Variants in TMEM259 observed in about 807,000 individuals in gnomAD.
TMEM259 encodes transmembrane protein 259.
A neutral mutation model predicts 46.7 loss-of-function variants in TMEM259; 26 were observed. The observed-to-expected ratio is 0.56, with a 90% CI of 0.41 to 0.77. The LOEUF (loss-of-function observed/expected upper bound fraction) is 0.77. Among genes scored for constraint, TMEM259 ranks in the 30% least tolerant of loss-of-function variants. TMEM259 has a pLI of 0.00. For missense variants in TMEM259, 930 were observed against 900.5 expected (o/e 1.03, Z -0.42); for synonymous variants, 494 against 395.1 (o/e 1.25, Z -2.97).
chr19:1,020,928 G>A lies in TMEM259; in HGVS notation c.69C>T (p.Pro23=), dbSNP rs2039274924. 3 of 1,266,590 alleles carry A rather than the reference G, an allele frequency of 2.4e-6. No individual in the cohort carries two copies. The highest frequency in any genetic ancestry group is 3.6e-5 in the South Asian group (1 of 27,704). The allele number at this position is 1,266,590 out of a possible 1,614,324, so 78.5% of individuals were successfully genotyped here. A position where few individuals can be genotyped will look rare whatever the true frequency, so the allele number is the denominator to read the frequency against. Residue 23 remains proline, a synonymous_variant, in exon 1 of 11, where the codon CCC becomes CCT. Coordinates refer to ENST00000356663, the MANE Select transcript of TMEM259 (RefSeq NM_001033026.2). The surrounding 1 kb of genome is among the most constrained non-coding windows in gnomAD (Gnocchi z 4.0). ...GATTGGGGGTGCGAGGCCCGCGCGC[G>A]GGGGCCGGGCCGCCGCCGCCGCCGT... ...GPNGGGGGPA[P]ARGPRTPNLN... is the part of the protein sequence containing the mutation.
intron 3 of TMEM259, 128 bp downstream of exon 3, chr19:1,013,113 G>C: frequency 1.3e-6 from 1 of 795,690 alleles, no homozygotes; most frequent in Admixed American, 2.3e-5. Context: ...CGAGGCACGG[G>C]GGTGCCCTCA....
intron 1 of TMEM259, among the ~76,000 whole-genome samples, chr19:1,014,712 C>T (rs553494255): frequency 2.4e-4 from 36 of 152,308 alleles, no homozygotes; most frequent in African/African-American, 5.3e-4. Context: ...ACTCCAACCC[C>T]GGAGGGGCTC....
At position 1,009,871 on chromosome 19, in the gene TMEM259, C is replaced by G; in HGVS notation, c.*479G>C. 1 of 397,330 alleles carries G rather than the reference C, an allele frequency of 2.5e-6. No homozygotes were observed. The highest frequency in any genetic ancestry group is 4.5e-6 in the Non-Finnish European group (1 of 223,982). 24.6% of individuals were successfully genotyped at this position (397,330 alleles called of 1,614,324 possible). A position where few individuals can be genotyped will look rare whatever the true frequency, so the allele number is the denominator to read the frequency against. The stretch of plus-strand genomic sequence containing the variant: ...ATGCCCGAGGCGCAAGCTCTGCTCT[C>G]CCGGGGACCCCAAGCCTGGCGCACA... On this transcript the variant is annotated 3_prime_UTR_variant, in exon 11 of 11. Coordinates refer to ENST00000356663, the MANE Select transcript of TMEM259 (RefSeq NM_001033026.2).
chr19:1,020,342 G>A lies in TMEM259; in HGVS notation c.225+430C>T, dbSNP rs2039249048. Among the ~76,000 whole-genome samples, 1 of 152,014 alleles carries A rather than the reference G, an allele frequency of 6.6e-6. No individual in the cohort carries two copies. The highest frequency in any genetic ancestry group is 6.6e-5 in the Admixed American group (1 of 15,262). On this transcript the variant is annotated intron_variant, in intron 1 of 10. Transcript: ENST00000356663. This position sits in a 1 kb window ranked among gnomAD's most constrained non-coding sequence, Gnocchi z 4.0. ...ACATTGGGAGGGGAGAGAGGCCTCG[G>A]AACTGAGGGTCTCAGGCGGCACAGT...
In TMEM259 at chr19:1,011,951, C is replaced by G; in HGVS notation, c.883G>C (p.Val295Leu). 1 of 1,612,380 alleles carries G rather than the reference C, an allele frequency of 6.2e-7. No homozygotes were observed. The change falls in exon 6 of 11, where the codon GTG (valine) becomes CTG (leucine). Residue 295 changes from valine (V) to leucine (L), a missense_variant. Physicochemically the swap from Val to Leu is conservative, Grantham distance 32 (BLOSUM62 1). Coordinates refer to ENST00000356663, the MANE Select transcript of TMEM259 (RefSeq NM_001033026.2). The part of the protein sequence containing the change: ...NVVSGEHYRF[V>L]SMWMARTSYL... Reference sequence around the variant, plus strand: ...GACGTCCGCGCCATCCACATGCTCACAAAGCGGTAGTGCTCGCCCGACACC... The same window carrying G: ...GACGTCCGCGCCATCCACATGCTCAGAAAGCGGTAGTGCTCGCCCGACACC...
Position 1,020,772 on chromosome 19 carries a change from C to T in TMEM259, c.225G>A (p.Lys75=). The T allele has an allele frequency of 7.5e-7, 1 of 1,335,380 alleles. No homozygotes were observed. Among genetic ancestry groups the T allele is most frequent in the Non-Finnish European group, 9.6e-7 (1 of 1,037,954 alleles). The allele number at this position is 1,335,380 out of a possible 1,614,324, so 82.7% of individuals were successfully genotyped here. A position where few individuals can be genotyped will look rare whatever the true frequency, so the allele number is the denominator to read the frequency against. Residue 75 remains lysine, a splice_region_variant and synonymous_variant, in exon 1 of 11, where the codon AAG becomes AAA. Coordinates refer to ENST00000356663, the MANE Select transcript of TMEM259 (RefSeq NM_001033026.2). This position sits in a 1 kb window ranked among gnomAD's most constrained non-coding sequence, Gnocchi z 4.0. ...GGTCGGGGGTCGGGGCCGCGGTCACCTTGAGCAGCACGAAGAACTCGAAGA... is the reference window on the plus strand; with the variant it reads ...GGTCGGGGGTCGGGGCCGCGGTCACTTTGAGCAGCACGAAGAACTCGAAGA... The part of the protein sequence containing the change: ...RRLFEFFVLL[K]ALFVLFVLAY...
chr19:1,020,596 T>C lies in TMEM259; in HGVS notation c.225+176A>G, dbSNP rs1021142776. 6.6e-6 allele frequency among the ~76,000 whole-genome samples: 1 copy of C among 151,898 alleles called. No individual in the cohort carries two copies. The highest frequency in any genetic ancestry group is 1.5e-5 in the Non-Finnish European group (1 of 67,982). ...GTCACGAGACGGTGTCCCTGGCCAA[T>C]CCCAGGGTCAGAGGTCGCGAGGGAG... On this transcript the variant is annotated intron_variant, in intron 1 of 10. Coordinates refer to ENST00000356663, the MANE Select transcript of TMEM259 (RefSeq NM_001033026.2). The surrounding 1 kb of genome is among the most constrained non-coding windows in gnomAD (Gnocchi z 4.0).
rs142807852 is a variant in TMEM259 at position 1,020,466 on chromosome 19, TGGGCCCTGGA to T, written c.225+296_225+305del. Among the ~76,000 whole-genome samples, 28,089 of 151,864 alleles carry T rather than the reference TGGGCCCTGGA, an allele frequency of 0.18. 2,727 individuals are homozygous for T. The highest frequency in any genetic ancestry group is 0.27 in the Middle Eastern group (79 of 294). On this transcript the variant is annotated intron_variant, in intron 1 of 10. Transcript: ENST00000356663. The surrounding 1 kb of genome is among the most constrained non-coding windows in gnomAD (Gnocchi z 4.0). ...GGAAAGGCGGTCGCCGGGGACAGGA[TGGGCCCTGGA>T]GGGAGCTGACAGTGAGGTTTCCAGA... is the stretch of plus-strand genomic sequence containing the variant.
At position 1,012,405 on chromosome 19, in the gene TMEM259, C is replaced by T. The variant is rs532250254; in HGVS notation, c.718+58G>A. The T allele has an allele frequency of 4.0e-5, 61 of 1,532,910 alleles. No individual in the cohort carries two copies. The South Asian group carries it at 5.1e-4, about 13-fold the overall frequency. The allele number at this position is 1,532,910 out of a possible 1,614,324, so 95.0% of individuals were successfully genotyped here. On this transcript the variant is annotated intron_variant, in intron 4 of 10. Coordinates refer to ENST00000356663, the MANE Select transcript of TMEM259 (RefSeq NM_001033026.2). ...CGTCCCGCACCAGCAGGAGGAGACC[C>T]GAGGGAGGAGGGGAGGCCCCGCCAT...
At position 1,010,551 on chromosome 19, in the gene TMEM259, C is replaced by T. The variant is rs1236196782; in HGVS notation, c.1662G>A (p.Leu554=). 1.9e-6 allele frequency: 3 copies of T among 1,548,714 alleles called. No individual in the cohort carries two copies. Among genetic ancestry groups the T allele is most frequent in the African/African-American group, 2.7e-5 (2 of 73,048 alleles). ...TAAIITDASF[L]SGLSASLLER... is the part of the protein sequence containing the mutation. ...CCAGGAGGGAGGCGCTCAGGCCGGA[C>T]AGGAAGGAGGCGTCTGTGATGATGG... The change falls in exon 11 of 11, where the codon CTG becomes CTA. Residue 554 remains leucine (L), a synonymous_variant. Transcript: ENST00000356663.
At position 1,012,449 on chromosome 19, in the gene TMEM259, C is replaced by A. The variant is rs1316482422; in HGVS notation, c.718+14G>T. On this transcript the variant is annotated intron_variant, in intron 4 of 10. Transcript: ENST00000356663. Reference sequence around the variant, plus strand: ...CCGCCATGGAGCTCCCCAAGCCCAGCAGCTCAGACTCACCCAGGGTGACCA... The same window carrying A: ...CCGCCATGGAGCTCCCCAAGCCCAGAAGCTCAGACTCACCCAGGGTGACCA... The A allele has an allele frequency of 5.1e-6, 8 of 1,582,388 alleles. No homozygotes were observed. In the East Asian group the frequency reaches 1.4e-4, roughly 27 times the overall value.
Position 1,010,899 on chromosome 19 carries a change from CGGGA to C in TMEM259, c.1318-8_1318-5del. Reference sequence around the variant, plus strand: ...GGAAGAAGTAGATCATGGAATGCTGCGGGAGGGAGAGTGGGAGTCAGGACGGGCC... The same window carrying C: ...GGAAGAAGTAGATCATGGAATGCTGCGGGAGAGTGGGAGTCAGGACGGGCC... On this transcript the variant is annotated splice_polypyrimidine_tract_variant and splice_region_variant and intron_variant, in intron 10 of 10. Transcript: ENST00000356663. 1 of 1,230,208 alleles carries C rather than the reference CGGGA, an allele frequency of 8.1e-7. No homozygotes were observed. Among genetic ancestry groups the C allele is most frequent in the Non-Finnish European group, 1.2e-6 (1 of 868,752 alleles). The allele number at this position is 1,230,208 out of a possible 1,614,324, so 76.2% of individuals were successfully genotyped here.
rs566862093 is a variant in TMEM259 at position 1,010,687 on chromosome 19, G to C, written c.1526C>G (p.Ala509Gly). 11 of 1,531,828 alleles carry C rather than the reference G, an allele frequency of 7.2e-6. No individual in the cohort carries two copies. The East Asian group carries it at 2.7e-4, about 38-fold the overall frequency. The allele number at this position is 1,531,828 out of a possible 1,614,324, so 94.9% of individuals were successfully genotyped here. A position where few individuals can be genotyped will look rare whatever the true frequency, so the allele number is the denominator to read the frequency against. Residue 509 changes from alanine (A) to glycine (G), a missense_variant, in exon 11 of 11, where the codon GCC becomes GGC. Transcript: ENST00000356663. ...TGCCACAGGCCCGGGACTCCCGCTGGCCCCAGGCGAGACGGGGCCCAGGGC... is the reference window on the plus strand; with the variant it reads ...TGCCACAGGCCCGGGACTCCCGCTGCCCCCAGGCGAGACGGGGCCCAGGGC... ...PPALGPVSPG[A>G]SGSPGPVAAA...
At position 1,010,761 on chromosome 19, in the gene TMEM259, G is replaced by T; in HGVS notation, c.1452C>A (p.Asn484Lys). ...TPTALPDDMN[N>K]NSGAPATAPD... ...GGGCTGTAGCCGGGGCGCCCGAGTT[G>T]TTGTTCATGTCATCGGGCAGCGCCG... Residue 484 changes from asparagine (N) to lysine (K), a missense_variant, in exon 11 of 11, where the codon AAC (asparagine) becomes AAA (lysine). By Grantham distance (94) the Asn-to-Lys change is moderately conservative. Coordinates refer to ENST00000356663, the MANE Select transcript of TMEM259 (RefSeq NM_001033026.2). 6.5e-7 allele frequency: 1 copy of T among 1,545,112 alleles called. No homozygotes were observed. Among genetic ancestry groups the T allele is most frequent in the Non-Finnish European group, 8.7e-7 (1 of 1,153,244 alleles).
chr19:1,012,416 G>A (rs1568402470), intron 4 of TMEM259, 47 bp downstream of exon 4: 3 of 1,539,432 alleles, frequency 1.9e-6, no homozygotes, highest in South Asian at 1.2e-5. Flanking sequence ...GAGGGAGGAG[G>A]GGAGGCCCCG....
In TMEM259 at chr19:1,011,450, G is replaced by A; in HGVS notation, c.1134C>T (p.Phe378=). 1 of 1,563,348 alleles carries A rather than the reference G, an allele frequency of 6.4e-7. No individual in the cohort carries two copies. The highest frequency in any genetic ancestry group is 8.7e-7 in the Non-Finnish European group (1 of 1,154,288). The change falls in exon 9 of 11, where the codon TTC becomes TTT. Residue 378 remains phenylalanine (F), a synonymous_variant. Transcript: ENST00000356663. The part of the protein sequence containing the change: ...SEFFNDTTTA[F]YIILIVWLAD... ...CGAGCCACACGATGAGGATGATGTA[G>A]AAGGCGGTGGTGGTGTCGTTGAAGA...
chr19:1,021,040 C>A lies in TMEM259; in HGVS notation c.-44G>T. The stretch of plus-strand genomic sequence containing the variant: ...CTAACGACCCGCAAGTGTCCGAGGG[C>A]GCCTCCCGGCCGCCATCGGCCGCCC... On this transcript the variant is annotated 5_prime_UTR_variant, in exon 1 of 11. Coordinates refer to ENST00000356663, the MANE Select transcript of TMEM259 (RefSeq NM_001033026.2). 1 of 1,318,922 alleles carries A rather than the reference C, an allele frequency of 7.6e-7. No individual in the cohort carries two copies. Among genetic ancestry groups the A allele is most frequent in the Non-Finnish European group, 9.8e-7 (1 of 1,024,328 alleles). 81.7% of individuals were successfully genotyped at this position (1,318,922 alleles called of 1,614,324 possible). A position where few individuals can be genotyped will look rare whatever the true frequency, so the allele number is the denominator to read the frequency against.
At chr19:1,012,701 GGGA>G in intron 3 of TMEM259, 128 bp from the exon 4 acceptor site, 1 of 1,270,926 alleles carries the variant, frequency 7.9e-7, no homozygotes, top group Non-Finnish European at 1.1e-6. Flanking sequence ...GGTGGGTGCT[GGGA>G]GGACCCCTAC....
In TMEM259 at chr19:1,010,582, G is replaced by A. The variant is rs1253428297; in HGVS notation, c.1631C>T (p.Thr544Ile). Residue 544 changes from threonine to isoleucine, a missense_variant, in exon 11 of 11, where the codon ACC becomes ATC. Coordinates refer to ENST00000356663, the MANE Select transcript of TMEM259 (RefSeq NM_001033026.2). ...AGGDLGWMAE[T>I]AAIITDASFL... ...GGAGGCGTCTGTGATGATGGCAGCG[G>A]TCTCTGCCATCCAACCCAGGTCACC... 8.4e-6 allele frequency: 13 copies of A among 1,550,666 alleles called. No homozygotes were observed. Among genetic ancestry groups the A allele is most frequent in the Non-Finnish European group, 1.1e-5 (13 of 1,148,940 alleles).
Sources: gnomAD v4.1 joint callset for allele counts (sites outside exome capture counted in the v4.1 genomes callset) on GRCh38, gnomAD v4.1.1 for gene constraint, Gnocchi (gnomAD v3.1) non-coding constraint, MANE v1.5 for transcripts, NCBI Gene and HGNC (gene_info 2026-07-23, HGNC 2026-07-21) for gene names.